The following UNC13C variants were observed in gnomAD, a reference collection of about 807,000 sequenced individuals.
UNC13C encodes unc-13 homolog C.
Under a neutral mutation model 245.4 loss-of-function variants are expected in UNC13C, and 174 were observed. The observed-to-expected ratio is 0.71, with a 90% CI of 0.63 to 0.80. The LOEUF (loss-of-function observed/expected upper bound fraction) is 0.80, where lower values mean the gene tolerates loss of function less well. Among genes scored for constraint, UNC13C ranks in the 30% least tolerant of loss-of-function variants. The probability of loss-of-function intolerance (pLI) is 0.00; values close to 1 mark genes in which losing one functional copy is unlikely to be tolerated. For missense variants in UNC13C, 2,829 were observed against 2,602.9 expected, an observed-to-expected ratio of 1.09 and a Z score of -1.89; for synonymous variants, 992 against 895.1, an observed-to-expected ratio of 1.11 and a Z score of -1.93.
chr15:53,863,128 T>C, the UNC13C span, among the ~76,000 whole-genome samples: 35 of 152,292 alleles, frequency 2.3e-4, no homozygotes, highest in African/African-American at 7.5e-4. Flanking sequence ...TGGACAGGCC[T>C]AGGATAGACA....
intron 2 of UNC13C, among the ~76,000 whole-genome samples, chr15:54,106,413 A>G (rs1385002773): frequency 2.0e-5 from 3 of 152,212 alleles, no homozygotes; most frequent in Non-Finnish European, 2.9e-5. Flanking sequence ...TTGTTCTTAA[A>G]AAACACATCA....
intron 4 of UNC13C, among the ~76,000 whole-genome samples, chr15:54,207,407 G>A (rs1233851461): frequency 1.3e-5 from 2 of 151,902 alleles, no homozygotes; most frequent in Non-Finnish European, 2.9e-5. Flanking sequence ...TGATCTCTTT[G>A]CACTCCTTTT....
intron 2 of UNC13C, among the ~76,000 whole-genome samples, chr15:54,130,646 G>T (rs1015490474): frequency 6.6e-6 from 1 of 151,912 alleles, no homozygotes. Flanking sequence ...ATTTCTGTTT[G>T]GTATGAATTC....
chr15:53,841,043 A>G, the UNC13C span, among the ~76,000 whole-genome samples: 1 of 152,160 alleles, frequency 6.6e-6, no homozygotes, highest in African/African-American at 2.4e-5. Context: ...TGGTGAAACC[A>G]ATGCGTGGAT....
chr15:54,545,569 G>A (rs757628593), intron 26 of UNC13C, among the ~76,000 whole-genome samples: 9 of 151,928 alleles, frequency 5.9e-5, no homozygotes, highest in South Asian at 2.1e-4. Context: ...TATCCTACAA[G>A]GAACTTAAAT....
intron 25 of UNC13C, among the ~76,000 whole-genome samples, chr15:54,526,359 G>A (rs1895458319): frequency 6.6e-6 from 1 of 152,064 alleles, no homozygotes; most frequent in South Asian, 2.1e-4. Context: ...CATTAATATA[G>A]AATTTGCTTT....
chr15:53,908,601 CATACAAA>C, the UNC13C span, among the ~76,000 whole-genome samples: 1 of 129,152 alleles, frequency 7.7e-6, no homozygotes, highest in African/African-American at 3.8e-5. Flanking sequence ...AAACACAAAA[CATACAAA>C]CCCAGGCATG....
chr15:53,896,463 A>G, the UNC13C span, among the ~76,000 whole-genome samples: 1 of 152,144 alleles, frequency 6.6e-6, no homozygotes, highest in South Asian at 2.1e-4. Flanking sequence ...CTTCTTTGTG[A>G]ATCAGTATTT....
At chr15:54,609,523 G>GT (rs1212643114) in intron 30 of UNC13C, 1 of 152,102 alleles carries the variant, frequency 6.6e-6, no homozygotes, top group African/African-American at 2.4e-5. Context: ...TCCTGCTCTA[G>GT]TTTTCTGGTT....
At chr15:54,077,313 C>A (rs1255947476) in intron 2 of UNC13C, among the ~76,000 whole-genome samples, 1 of 151,152 alleles carries the variant, frequency 6.6e-6, no homozygotes, top group Admixed American at 6.6e-5. Context: ...ATTTCTTCAG[C>A]AAGATTTTCA....
chr15:54,073,451 C>A lies in UNC13C; in HGVS notation c.2983+57565C>A, dbSNP rs879791315. Among the ~76,000 whole-genome samples the A allele has an allele frequency of 2.6e-5, 4 of 152,162 alleles. No individual in the cohort carries two copies. The East Asian group carries it at 7.7e-4, about 29-fold the overall frequency. ...TTCTGGTTCTAGATCCTTGAGGAAT[C>A]GCCACACTGTCTTCCACAATGGTTA... On this transcript the variant is annotated intron_variant, in intron 2 of 32. Coordinates refer to ENST00000260323, the MANE Select transcript of UNC13C (RefSeq NM_001080534.3).
chr15:54,374,447 G>A (rs1161073038), intron 17 of UNC13C, among the ~76,000 whole-genome samples: 1 of 152,164 alleles, frequency 6.6e-6, no homozygotes, highest in Non-Finnish European at 1.5e-5. Context: ...CAAGGCAGCA[G>A]GGAGCTGGCA....
intron 12 of UNC13C, among the ~76,000 whole-genome samples, chr15:54,298,874 A>C (rs2037503194): frequency 6.6e-6 from 1 of 152,172 alleles, no homozygotes; most frequent in Admixed American, 6.5e-5. Context: ...AGATAGTTCT[A>C]CTTTTGTGCA....
At chr15:54,592,555 T>TC (rs1566928311) in intron 30 of UNC13C, among the ~76,000 whole-genome samples, 1 of 152,086 alleles carries the variant, frequency 6.6e-6, no homozygotes, top group African/African-American at 2.4e-5. Context: ...TACTGTCCCT[T>TC]TTTGTCTCTT....
At chr15:54,170,389 G>A (rs2033352241) in intron 4 of UNC13C, among the ~76,000 whole-genome samples, 1 of 151,906 alleles carries the variant, frequency 6.6e-6, no homozygotes, top group South Asian at 2.1e-4. Context: ...CTCCACATTT[G>A]GGAAGACAAG....
At chr15:54,290,291 A>G (rs954039084) in intron 10 of UNC13C, among the ~76,000 whole-genome samples, 1 of 152,108 alleles carries the variant, frequency 6.6e-6, no homozygotes, top group African/African-American at 2.4e-5. Context: ...AATATTAGTA[A>G]TGTGACAGGT....
chr15:54,390,464 AT>A (rs1239777801), intron 17 of UNC13C, among the ~76,000 whole-genome samples: 3 of 152,020 alleles, frequency 2.0e-5, no homozygotes. Context: ...ACCCTTACAG[AT>A]TTTCTGTAAA....
chr15:54,561,998 A>G (rs1278397723), intron 29 of UNC13C, among the ~76,000 whole-genome samples: 1 of 151,980 alleles, frequency 6.6e-6, no homozygotes, highest in Admixed American at 6.6e-5. Flanking sequence ...AGCGACTGAG[A>G]AAGCATGGTT....
chr15:54,176,669 T>C (rs2033626574), intron 4 of UNC13C, among the ~76,000 whole-genome samples: 1 of 152,116 alleles, frequency 6.6e-6, no homozygotes, highest in African/African-American at 2.4e-5. Flanking sequence ...CTCAATACTT[T>C]TTATGAAAGT....
Sources: allele counts gnomAD v4.1 joint callset (sites outside exome capture counted in the v4.1 genomes callset), GRCh38; gene constraint gnomAD v4.1.1; transcripts MANE v1.5; gene names NCBI Gene and HGNC (gene_info 2026-07-23, HGNC 2026-07-21).